The following TFEC variants were observed in gnomAD, a reference collection of about 807,000 sequenced individuals.
The protein encoded by TFEC is class E basic helix-loop-helix protein 34.
TFEC carries 31 observed loss-of-function variants against 41.6 expected under a neutral mutation model. The ratio of observed to expected loss-of-function variants is 0.74; its 90% CI spans 0.56 to 1.01. TFEC has a LOEUF of 1.01. Among genes scored for constraint, TFEC ranks in the 50% least tolerant of loss-of-function variants. The pLI is 0.00. For missense variants in TFEC, 402 were observed against 404.1 expected, an observed-to-expected ratio of 0.99 and a Z score of 0.04; for synonymous variants, 143 against 140.6, an observed-to-expected ratio of 1.02 and a Z score of -0.12.
chr7:115,985,415 T>G (rs1793808255), intron 1 of TFEC, among the ~76,000 whole-genome samples: 1 of 152,162 alleles, frequency 6.6e-6, no homozygotes, highest in African/African-American at 2.4e-5. Context: ...TGCTATTCTG[T>G]GGCTTCTAAT....
intron 1 of TFEC, among the ~76,000 whole-genome samples, chr7:116,143,269 CA>C (rs1191075606): frequency 6.6e-6 from 1 of 152,136 alleles, no homozygotes; most frequent in Non-Finnish European, 1.5e-5. Context: ...ATCTTCAGAC[CA>C]CCTGCCTGAC....
At chr7:116,032,489 T>C (rs1795809048), upstream of TFEC, among the ~76,000 whole-genome samples, 2 of 152,166 alleles carry the variant, frequency 1.3e-5, no homozygotes, top group South Asian at 4.1e-4. Flanking sequence ...CATCACAGAA[T>C]ACTATACAGT....
At chr7:116,063,859 G>A (rs1290297241) in intron 3 of TFEC, among the ~76,000 whole-genome samples, 1 of 152,062 alleles carries the variant, frequency 6.6e-6, no homozygotes, top group Admixed American at 6.6e-5. Context: ...TGGACACTTA[G>A]GTTGATTTCA....
chr7:115,976,296 G>T (rs1443499073), intron 2 of TFEC, among the ~76,000 whole-genome samples: 1 of 152,068 alleles, frequency 6.6e-6, no homozygotes, highest in East Asian at 1.9e-4. Context: ...GTGGTGGTGT[G>T]TGCCTGTAGT....
intron 1 of TFEC, among the ~76,000 whole-genome samples, chr7:116,112,588 AC>A (rs1242838153): frequency 2.0e-5 from 3 of 152,012 alleles, no homozygotes; most frequent in African/African-American, 7.2e-5. Flanking sequence ...CTAATGGAAG[AC>A]AGTAGAGGAA....
rs1477691335 is a variant in TFEC, at chr7:115,974,334, T to A, written c.181-78A>T. 9 of 1,132,376 alleles carry A rather than the reference T, an allele frequency of 7.9e-6. 1 individual carries two copies. Among genetic ancestry groups the A allele is most frequent in the Non-Finnish European group, 1.0e-5 (9 of 861,102 alleles). The allele number at this position is 1,132,376 out of a possible 1,614,324, so 70.1% of individuals were successfully genotyped here. A position where few individuals can be genotyped will look rare whatever the true frequency, so the allele number is the denominator to read the frequency against. On this transcript the variant is annotated intron_variant, in intron 2 of 7. Transcript: ENST00000265440. The stretch of plus-strand genomic sequence containing the variant: ...TTCAGTCTGAAAACAGAGAGAAAAA[T>A]TCTAGCAATCTTTAAAAGTTTTTAG...
intron 3 of TFEC, among the ~76,000 whole-genome samples, chr7:116,071,994 T>C (rs1415016123): frequency 6.6e-6 from 1 of 151,552 alleles, no homozygotes; most frequent in Non-Finnish European, 1.5e-5. Context: ...AGCTATTCAT[T>C]GTTGATTTCT....
chr7:115,984,103 T>G (rs1043792750), intron 2 of TFEC, among the ~76,000 whole-genome samples, 159 bp downstream of exon 2: 1 of 152,022 alleles, frequency 6.6e-6, no homozygotes, highest in Non-Finnish European at 1.5e-5. Context: ...GGAATTTATA[T>G]GCATATAGTT....
chr7:116,041,554 A>G (rs1796037378), intron 3 of TFEC, among the ~76,000 whole-genome samples: 1 of 152,216 alleles, frequency 6.6e-6, no homozygotes, highest in African/African-American at 2.4e-5. Context: ...TTGAAACAAG[A>G]GAAATCAAGA....
chr7:115,970,178 G>A, intron 3 of TFEC, among the ~76,000 whole-genome samples: 1 of 151,946 alleles, frequency 6.6e-6, no homozygotes, highest in East Asian at 1.9e-4. Context: ...AGAAGAAAAA[G>A]AACCAGTAAA....
intron 3 of TFEC, among the ~76,000 whole-genome samples, chr7:116,089,882 T>C (rs949834792): frequency 6.6e-6 from 1 of 152,152 alleles, no homozygotes; most frequent in African/African-American, 2.4e-5. Context: ...TCTGTCCATC[T>C]AGCCAGTATC....
intron 1 of TFEC, among the ~76,000 whole-genome samples, chr7:115,989,939 C>T (rs1393873830): frequency 3.9e-5 from 6 of 152,192 alleles, no homozygotes; most frequent in Non-Finnish European, 7.3e-5. Context: ...CAAGTGGGTC[C>T]CTGACCCCCA....
intron 1 of TFEC, among the ~76,000 whole-genome samples, chr7:116,127,619 T>C (rs892614522): frequency 4.0e-5 from 6 of 151,338 alleles, no homozygotes; most frequent in African/African-American, 1.2e-4. Flanking sequence ...GAATTACTCA[T>C]TGAATCCATC....
rs188213645 is a variant in TFEC, at chr7:116,010,252, A to C, written c.-73+20381T>G. 2.0e-5 allele frequency among the ~76,000 whole-genome samples: 3 copies of C among 152,304 alleles called. No individual in the cohort carries two copies. The East Asian group carries it at 5.8e-4, about 29-fold the overall frequency. ...TTTAATAAAGGGAGGGGCAAATAAA[A>C]GTTTATTCAGATAAATGCTGAAGAG... On this transcript the variant is annotated intron_variant, in intron 1 of 7. Transcript: ENST00000265440.
At chr7:116,075,135 A>C (rs1487780993) in intron 3 of TFEC, among the ~76,000 whole-genome samples, 1 of 152,160 alleles carries the variant, frequency 6.6e-6, no homozygotes, top group Non-Finnish European at 1.5e-5. Flanking sequence ...TGTTTGCACA[A>C]CTCTGTAAAT....
intron 6 of TFEC, among the ~76,000 whole-genome samples, chr7:115,944,475 C>T (rs1793687005): frequency 6.6e-6 from 1 of 151,552 alleles, no homozygotes; most frequent in East Asian, 2.0e-4. Flanking sequence ...GTCTCAATTA[C>T]AGCTGTTCTC....
At chr7:115,956,255 A>T (rs1361790920) in intron 4 of TFEC, among the ~76,000 whole-genome samples, 1 of 152,010 alleles carries the variant, frequency 6.6e-6, no homozygotes, top group East Asian at 1.9e-4. Flanking sequence ...AAGAAAAAAA[A>T]ATCCAATATT....
intron 1 of TFEC, among the ~76,000 whole-genome samples, chr7:116,147,723 G>A (rs967162443): frequency 6.6e-5 from 10 of 152,090 alleles, no homozygotes; most frequent in Admixed American, 6.6e-4. Flanking sequence ...TGGAAGAGTG[G>A]AAAGTAATAA....
intron 3 of TFEC, among the ~76,000 whole-genome samples, chr7:116,066,590 T>C (rs551587141): frequency 9.2e-5 from 14 of 152,152 alleles, no homozygotes; most frequent in Admixed American, 2.6e-4. Flanking sequence ...GTAATGAGCC[T>C]AGGAAAAGTG....
Sources: allele counts gnomAD v4.1 joint callset (sites outside exome capture counted in the v4.1 genomes callset), GRCh38; gene constraint gnomAD v4.1.1; transcripts MANE v1.5; gene names NCBI Gene and HGNC (gene_info 2026-07-23, HGNC 2026-07-21).